The following CARHSP1 variants were observed in gnomAD, a reference collection of about 807,000 sequenced individuals.
The protein encoded by CARHSP1 is calcium-regulated heat-stable protein 1.
In CARHSP1, 14 loss-of-function variants were observed where a neutral mutation model predicts 12.5. The ratio of observed to expected loss-of-function variants is 1.12; its 90% CI spans 0.74 to 1.75. CARHSP1 has a LOEUF of 1.75. Ranked by LOEUF, CARHSP1 falls within the 40% of genes most tolerant of loss-of-function variation. The pLI is 0.00. For synonymous variants in CARHSP1, 161 were observed against 82.0 expected (o/e 1.96, Z -5.20); for missense variants, 343 against 201.6 (o/e 1.70, Z -4.25).
In CARHSP1 at chr16:8,867,007, T is replaced by A. The variant is rs12447292; in HGVS notation, c.-8+1959A>T. Among the ~76,000 whole-genome samples the A allele has an allele frequency of 4.4e-3, 667 of 152,040 alleles. 2 individuals are homozygous for A. Among genetic ancestry groups the A allele is most frequent in the African/African-American group, 0.014 (589 of 41,420 alleles). On this transcript the variant is annotated intron_variant, in intron 1 of 3. Transcript: ENST00000311052. ...CCCAAGGGGGCCTCCAACATTGCCA[T>A]TGCCTGTGCCCCCATTAGCACCCCT...
At chr16:8,863,352 A>G (rs1313557354) in intron 1 of CARHSP1, among the ~76,000 whole-genome samples, 2 of 151,934 alleles carry the variant, frequency 1.3e-5, no homozygotes, top group African/African-American at 2.4e-5. Context: ...GGCTCAAGCG[A>G]TCGGCGCACC....
chr16:8,857,265 T>TTTTTG (rs1472338087), intron 3 of CARHSP1, among the ~76,000 whole-genome samples: 6 of 11,834 alleles, frequency 5.1e-4, no homozygotes, highest in African/African-American at 1.6e-3. Context: ...GCAGATCTGT[T>TTTTTG]TTTTTTTTTT....
At chr16:8,858,272 T>A (rs1343847649) in intron 3 of CARHSP1, 78 bp downstream of exon 3, 2 of 1,541,572 alleles carry the variant, frequency 1.3e-6, no homozygotes, top group African/African-American at 1.4e-5. Flanking sequence ...CCCATCAGAG[T>A]CACACACCAT....
intron 1 of CARHSP1, among the ~76,000 whole-genome samples, chr16:8,863,854 A>T (rs993240365): frequency 5.9e-5 from 9 of 152,066 alleles, no homozygotes; most frequent in African/African-American, 2.2e-4. Context: ...ACACATACAC[A>T]AGGATGGGGC....
At chr16:8,857,263 G>GTTTTTTGTTTTTGTTTTTTTTT (rs1315960023) in intron 3 of CARHSP1, among the ~76,000 whole-genome samples, 1 of 57,006 alleles carries the variant, frequency 1.8e-5, no homozygotes, top group Non-Finnish European at 3.7e-5. Context: ...GGGCAGATCT[G>GTTTTTTGTTTTTGTTTTTTTTT]TTTTTTTTTT....
chr16:8,864,248 G>A (rs750254152), intron 1 of CARHSP1, among the ~76,000 whole-genome samples: 1 of 152,174 alleles, frequency 6.6e-6, no homozygotes, highest in Non-Finnish European at 1.5e-5. Context: ...GCATACACGT[G>A]TATGCATGCG....
chr16:8,858,635 TCA>T lies in CARHSP1; in HGVS notation c.159-165_159-164del, dbSNP rs1002169194. On this transcript the variant is annotated intron_variant, in intron 2 of 3. Coordinates refer to ENST00000311052, the MANE Select transcript of CARHSP1 (RefSeq NM_014316.4). The stretch of plus-strand genomic sequence containing the variant: ...CACAACCCTCAACCCTGGGAGCCGC[TCA>T]CAAAGACGCTGGGGGAAAGGACTCT... 2.1e-4 allele frequency: 174 copies of T among 822,042 alleles called. No homozygotes were observed. In the African/African-American group the frequency reaches 2.5e-3, roughly 12 times the overall value. The allele number at this position is 822,042 out of a possible 1,614,324, so 50.9% of individuals were successfully genotyped here. A position where few individuals can be genotyped will look rare whatever the true frequency, so the allele number is the denominator to read the frequency against.
At chr16:8,864,953 C>G (rs28582877) in intron 1 of CARHSP1, among the ~76,000 whole-genome samples, 3,607 of 152,288 alleles carry the variant, frequency 0.024, 145 homozygotes, top group African/African-American at 0.082. Flanking sequence ...ATGCAGCCCC[C>G]ATTACCCACT....
chr16:8,854,423 C>G lies in CARHSP1; in HGVS notation c.*741G>C, dbSNP rs2061032139. The G allele has an allele frequency of 6.6e-6, 1 of 152,510 alleles. No individual in the cohort carries two copies. The allele number at this position is 152,510 out of a possible 1,614,324, so 9.4% of individuals were successfully genotyped here. ...TGAAATGGCTGTTGAGTGATGGTCACACAACCAGAAGGCAGATGAAAAGGT... is the reference window on the plus strand; with the variant it reads ...TGAAATGGCTGTTGAGTGATGGTCAGACAACCAGAAGGCAGATGAAAAGGT... On this transcript the variant is annotated 3_prime_UTR_variant, in exon 4 of 4. Coordinates refer to ENST00000311052, the MANE Select transcript of CARHSP1 (RefSeq NM_014316.4).
At chr16:8,860,128 G>C (rs1567185954) in intron 1 of CARHSP1, 1 of 985,280 alleles carries the variant, frequency 1.0e-6, no homozygotes, top group African/African-American at 1.7e-5. Flanking sequence ...CCGCCTCCAG[G>C]GAACTGTGGA....
intron 1 of CARHSP1, among the ~76,000 whole-genome samples, chr16:8,859,542 T>G (rs183623923): frequency 2.0e-5 from 3 of 151,882 alleles, no homozygotes; most frequent in South Asian, 4.2e-4. Flanking sequence ...CCCTCGATCA[T>G]AGCTCTTCAT....
At chr16:8,863,517 A>G (rs1053285413) in intron 1 of CARHSP1, among the ~76,000 whole-genome samples, 2 of 152,202 alleles carry the variant, frequency 1.3e-5, no homozygotes, top group African/African-American at 2.4e-5. Flanking sequence ...AGGTGGCTAC[A>G]TTCCTGCTCA....
At chr16:8,861,832 G>T (rs369794742) in intron 1 of CARHSP1, 2 of 1,194,410 alleles carry the variant, frequency 1.7e-6, no homozygotes, top group African/African-American at 1.6e-5. Flanking sequence ...AGAGTTCCAG[G>T]AAAGAGGCTG....
At position 8,861,773 on chromosome 16, in the gene CARHSP1, C is replaced by T. The variant is rs375441006; in HGVS notation, c.-7-2438G>A. 34 of 1,275,276 alleles carry T rather than the reference C, an allele frequency of 2.7e-5. No individual in the cohort carries two copies. The African/African-American group carries it at 3.7e-4, about 14-fold the overall frequency. 79.0% of individuals were successfully genotyped at this position (1,275,276 alleles called of 1,614,324 possible). The stretch of plus-strand genomic sequence containing the variant: ...CTGCTGGCCTGGGGGCCAGGGCCCC[C>T]GCATGACCTACCAGCACAGGTCATA... On this transcript the variant is annotated intron_variant, in intron 1 of 3. Transcript: ENST00000311052.
chr16:8,859,308 TG>T lies in CARHSP1; in HGVS notation c.20del (p.Pro7HisfsTer220). The T allele has an allele frequency of 6.4e-7, 1 of 1,571,658 alleles. No homozygotes were observed. On this transcript the variant is annotated frameshift_variant, in exon 2 of 4. Transcript: ENST00000311052. LOFTEE classifies it high-confidence loss of function. ...CTTGATGGGTGGGGGGCTGTGGTGG[TG>T]GGGGAGGCTCAGATGACATGGCTGA... MSSEPP[P>X]PPQPPTHQAS... is the part of the protein sequence containing the mutation.
intron 1 of CARHSP1, chr16:8,860,311 T>C (rs989784741): frequency 1.0e-6 from 1 of 984,762 alleles, no homozygotes; most frequent in Admixed American, 6.2e-5. Context: ...GTCACCACGC[T>C]GTTATGAAAT....
At chr16:8,863,294 G>A (rs974420849) in intron 1 of CARHSP1, among the ~76,000 whole-genome samples, 1 of 151,806 alleles carries the variant, frequency 6.6e-6, no homozygotes, top group Non-Finnish European at 1.5e-5. Flanking sequence ...CTCATTTTTT[G>A]TAGAGACAGG....
intron 1 of CARHSP1, chr16:8,866,381 G>A (rs1338850018): frequency 5.3e-6 from 5 of 945,788 alleles, no homozygotes; most frequent in African/African-American, 1.8e-5. Flanking sequence ...GGGAAATGGC[G>A]CAGGGATCGG....
intron 1 of CARHSP1, chr16:8,866,465 T>G: frequency 1.0e-6 from 1 of 985,386 alleles, no homozygotes; most frequent in Admixed American, 6.1e-5. Context: ...ACAGAGACAC[T>G]GAGCTGACCC....
Sources: gnomAD v4.1 joint callset for allele counts (sites outside exome capture counted in the v4.1 genomes callset) on GRCh38, gnomAD v4.1.1 for gene constraint, MANE v1.5 for transcripts, NCBI Gene and HGNC (gene_info 2026-07-23, HGNC 2026-07-21) for gene names.